Variants in ZNF76 observed in about 807,000 individuals in gnomAD.
ZNF76 encodes zinc finger protein 76.
Under a neutral mutation model 66.9 loss-of-function variants are expected in ZNF76, and 66 were observed. The observed-to-expected ratio is 0.99, with a 90% CI of 0.81 to 1.21. ZNF76 has a LOEUF of 1.21. Among genes scored for constraint, ZNF76 ranks in the 50% most tolerant of loss-of-function variants. The probability of loss-of-function intolerance (pLI) is 0.00; values close to 1 mark genes in which losing one functional copy is unlikely to be tolerated. For missense variants in ZNF76, 729 were observed against 760.3 expected, an observed-to-expected ratio of 0.96 and a Z score of 0.48; for synonymous variants, 275 against 296.1, an observed-to-expected ratio of 0.93 and a Z score of 0.73.
At chr6:35,268,798 AC>A (rs1338460871) in intron 1 of ZNF76, among the ~76,000 whole-genome samples, 1 of 151,510 alleles carries the variant, frequency 6.6e-6, no homozygotes, top group Non-Finnish European at 1.5e-5. Flanking sequence ...AAAAAAAAAA[AC>A]CACCTGCAAT....
In ZNF76 at chr6:35,287,431, G is replaced by A. The variant is rs1789722276; in HGVS notation, c.233-215G>A. Reference sequence around the variant, plus strand: ...CCTGTCAGGTCCTCAAGGAGCTTGTGAGTTCCCATTTAGTGTACCATAGGA... The same window carrying A: ...CCTGTCAGGTCCTCAAGGAGCTTGTAAGTTCCCATTTAGTGTACCATAGGA... On this transcript the variant is annotated intron_variant, in intron 4 of 13. Transcript: ENST00000373953. This position sits in a 1 kb window ranked among gnomAD's most constrained non-coding sequence, Gnocchi z 4.0. Among the ~76,000 whole-genome samples, 1 of 152,148 alleles carries A rather than the reference G, an allele frequency of 6.6e-6. No homozygotes were observed. Among genetic ancestry groups the A allele is most frequent in the Non-Finnish European group, 1.5e-5 (1 of 68,020 alleles).
rs368577134 is a variant in ZNF76, at chr6:35,281,208, C to A, written c.57C>A (p.Val19=). 1.1e-5 allele frequency: 18 copies of A among 1,613,682 alleles called. No homozygotes were observed. In the Admixed American group the frequency reaches 1.2e-4, roughly 10 times the overall value. ...TTAGTGATGGGACAACAGCCTACGT[C>A]CAGCAAGCTGTCAAAGGTAAGTATT... ...VTLSDGTTAY[V]QQAVKGEKLL... Residue 19 remains valine (V), a synonymous_variant, in exon 2 of 14, where the codon GTC becomes GTA. Transcript: ENST00000373953.
At chr6:35,265,732 A>T (rs562555458) in intron 1 of ZNF76, among the ~76,000 whole-genome samples, 1 of 152,236 alleles carries the variant, frequency 6.6e-6, no homozygotes, top group South Asian at 2.1e-4. Context: ...CTATATATTC[A>T]AGAAACATGA....
chr6:35,278,639 G>C (rs1435493733), intron 1 of ZNF76, among the ~76,000 whole-genome samples: 1 of 152,266 alleles, frequency 6.6e-6, no homozygotes, highest in Non-Finnish European at 1.5e-5. Context: ...AGGCAGTCCA[G>C]ATTCCAAGTC....
At position 35,290,626 on chromosome 6, in the gene ZNF76, T is replaced by A; in HGVS notation, c.550-15T>A. On this transcript the variant is annotated splice_polypyrimidine_tract_variant and intron_variant, in intron 6 of 13. Coordinates refer to ENST00000373953, the MANE Select transcript of ZNF76 (RefSeq NM_003427.5). ...CCCTTGCTCCTCTGAATTATGTGAT[T>A]GCTTGTCCTCACAGGTGCATGAACG... 6.2e-7 allele frequency: 1 copy of A among 1,614,030 alleles called. No homozygotes were observed.
At chr6:35,277,060 A>G (rs1032807600) in intron 1 of ZNF76, among the ~76,000 whole-genome samples, 13 of 151,624 alleles carry the variant, frequency 8.6e-5, no homozygotes, top group African/African-American at 1.7e-4. Context: ...CGGCCTCCCA[A>G]AGTGCTGGGA....
At chr6:35,260,934 C>A (rs745956728) in intron 1 of ZNF76, among the ~76,000 whole-genome samples, 7 of 152,202 alleles carry the variant, frequency 4.6e-5, no homozygotes, top group Non-Finnish European at 7.3e-5. Context: ...CCTCTTCACT[C>A]TTCATAGTGC....
chr6:35,282,745 A>G lies in ZNF76; in HGVS notation c.73+1521A>G, dbSNP rs559828804. ...ATTTCTGCTCCTAAGTTTACAGATA[A>G]GTTGTTTATTGATTTCATTTTAAGT... is the stretch of plus-strand genomic sequence containing the variant. On this transcript the variant is annotated intron_variant, in intron 2 of 13. Transcript: ENST00000373953. 1.1e-3 allele frequency among the ~76,000 whole-genome samples: 164 copies of G among 152,312 alleles called. 2 individuals are homozygous for G. Among genetic ancestry groups the G allele is most frequent in the African/African-American group, 3.7e-3 (154 of 41,558 alleles).
intron 1 of ZNF76, among the ~76,000 whole-genome samples, chr6:35,275,428 A>C (rs1318126015): frequency 6.6e-6 from 1 of 152,202 alleles, no homozygotes; most frequent in East Asian, 1.9e-4. Context: ...CAGAACTCAC[A>C]CATAGCCATC....
intron 1 of ZNF76, among the ~76,000 whole-genome samples, chr6:35,263,481 A>G (rs1785545859): frequency 6.6e-6 from 1 of 152,194 alleles, no homozygotes; most frequent in Non-Finnish European, 1.5e-5. Flanking sequence ...ATCCACATCC[A>G]AAAGTCTATT....
intron 9 of ZNF76, 116 bp downstream of exon 9, chr6:35,291,853 T>G: frequency 7.7e-7 from 1 of 1,292,788 alleles, no homozygotes; most frequent in Non-Finnish European, 1.1e-6. Context: ...GTGCCAGCCA[T>G]TCCAGGCTGG....
chr6:35,272,708 G>A (rs12524514), intron 1 of ZNF76, among the ~76,000 whole-genome samples: 5 of 152,300 alleles, frequency 3.3e-5, no homozygotes, highest in Admixed American at 3.3e-4. Context: ...GCACAATCAT[G>A]GCTCTCCAAA....
chr6:35,294,364 T>G (rs968064469), intron 12 of ZNF76, 92 bp from the exon 13 acceptor site: 1 of 883,476 alleles, frequency 1.1e-6, no homozygotes, highest in Admixed American at 1.9e-5. Context: ...TCTGGGTTGT[T>G]CCCAGCACCT....
chr6:35,290,962 C>T, intron 7 of ZNF76: 1 of 596,754 alleles, frequency 1.7e-6, no homozygotes, highest in Non-Finnish European at 3.0e-6. Flanking sequence ...AGCTCTGATG[C>T]CAACCAGCTG....
chr6:35,262,258 T>G (rs1363062702), intron 1 of ZNF76, among the ~76,000 whole-genome samples: 1 of 151,696 alleles, frequency 6.6e-6, no homozygotes, highest in African/African-American at 2.4e-5. Flanking sequence ...CACCTCTTTA[T>G]GAGGAGGGTA....
intron 1 of ZNF76, among the ~76,000 whole-genome samples, chr6:35,269,918 T>C (rs1226194794): frequency 1.3e-5 from 2 of 152,138 alleles, no homozygotes; most frequent in Non-Finnish European, 1.5e-5. Flanking sequence ...TGTTATAGAA[T>C]GGCCTCCATG....
chr6:35,288,265 C>A (rs114982491), intron 5 of ZNF76: 368 of 380,990 alleles, frequency 9.7e-4, no homozygotes, highest in African/African-American at 6.9e-3. Context: ...GTATTTATTT[C>A]TTCTCTGTGA....
chr6:35,291,894 T>G, intron 9 of ZNF76, 157 bp downstream of exon 9: 1 of 763,066 alleles, frequency 1.3e-6, no homozygotes, highest in Non-Finnish European at 2.1e-6. Flanking sequence ...AGAACAACTC[T>G]GCTTGCAGTG....
intron 1 of ZNF76, among the ~76,000 whole-genome samples, chr6:35,275,012 G>A (rs943980354): frequency 7.2e-5 from 11 of 152,008 alleles, no homozygotes; most frequent in Non-Finnish European, 1.3e-4. Context: ...AAAATTAGCC[G>A]GGCGTGGTGG....
Sources: allele counts gnomAD v4.1 joint callset (sites outside exome capture counted in the v4.1 genomes callset), GRCh38; gene constraint gnomAD v4.1.1; non-coding constraint Gnocchi (gnomAD v3.1); transcripts MANE v1.5; gene names NCBI Gene and HGNC (gene_info 2026-07-23, HGNC 2026-07-21).